ELAVL4: variants seen among roughly 807,000 people sequenced by gnomAD.
The protein encoded by ELAVL4 is ELAV like RNA binding protein 4, also known as ELAV-like protein 4.
Under a neutral mutation model 35.6 loss-of-function variants are expected in ELAVL4, and 1 was observed. That is an observed-to-expected ratio of 0.03 (90% CI 0.01 to 0.13). The LOEUF is 0.13. ELAVL4 is among the 10% of genes least tolerant of loss of function. The pLI is 1.00. For missense variants in ELAVL4, 267 were observed against 464.9 expected, an observed-to-expected ratio of 0.57 and a Z score of 3.91; for synonymous variants, 156 against 171.0, an observed-to-expected ratio of 0.91 and a Z score of 0.69.
chr1:50,173,927 G>A (rs150933997), intron 2 of ELAVL4, among the ~76,000 whole-genome samples: 1 of 152,070 alleles, frequency 6.6e-6, no homozygotes, highest in African/African-American at 2.4e-5. Flanking sequence ...GATCCCTCAG[G>A]CCCTCCCAGC....
intron 2 of ELAVL4, among the ~76,000 whole-genome samples, chr1:50,149,401 GAAAAAGA>G (rs1674336349): frequency 6.6e-6 from 1 of 151,130 alleles, no homozygotes; most frequent in Non-Finnish European, 1.5e-5. Context: ...AAAAAAAAAA[GAAAAAGA>G]AAAAAGAAAT....
At chr1:50,190,722 A>G (rs1194140960) in intron 3 of ELAVL4, among the ~76,000 whole-genome samples, 16 of 152,200 alleles carry the variant, frequency 1.1e-4, no homozygotes, top group Admixed American at 1.0e-3. Context: ...CCAACTTTCA[A>G]GTGCCAGCTC....
At chr1:50,121,198 A>G (rs935363536) in intron 1 of ELAVL4, among the ~76,000 whole-genome samples, 5 of 152,052 alleles carry the variant, frequency 3.3e-5, no homozygotes, top group Admixed American at 6.6e-5. Context: ...AACTTCTAGG[A>G]GCCTATTTAG....
intron 1 of ELAVL4, among the ~76,000 whole-genome samples, chr1:50,127,571 A>G (rs1670156702): frequency 2.0e-5 from 3 of 152,170 alleles, no homozygotes; most frequent in Admixed American, 2.0e-4. Flanking sequence ...TCAAATGTCT[A>G]CTAACCTTCC....
chr1:50,192,239 G>A (rs991849908), intron 3 of ELAVL4, among the ~76,000 whole-genome samples: 1 of 152,172 alleles, frequency 6.6e-6, no homozygotes, highest in Non-Finnish European at 1.5e-5. Flanking sequence ...GCAGGAGGAG[G>A]CCAGGGAGGC....
At chr1:50,123,581 T>A (rs975780220) in intron 1 of ELAVL4, among the ~76,000 whole-genome samples, 5 of 152,070 alleles carry the variant, frequency 3.3e-5, no homozygotes, top group Non-Finnish European at 7.4e-5. Flanking sequence ...AAGATGAGAT[T>A]TCAGAGATGG....
At chr1:50,125,248 A>T (rs749653468) in intron 1 of ELAVL4, among the ~76,000 whole-genome samples, 14 of 152,202 alleles carry the variant, frequency 9.2e-5, no homozygotes, top group African/African-American at 2.4e-4. Context: ...ATTTAAAAAA[A>T]AAAAATAAAA....
Position 50,153,854 on chromosome 1 carries a change from A to G in ELAVL4, c.250+8657A>G, listed in dbSNP as rs141793631. Among the ~76,000 whole-genome samples the G allele has an allele frequency of 1.8e-4, 27 of 152,360 alleles. No individual in the cohort carries two copies. In the East Asian group the frequency reaches 4.8e-3, roughly 27 times the overall value. ...GATTAGTGATCTTATAAGAAGAGGA[A>G]GAGAGACTGGAATTTTCTCCATACA... On this transcript the variant is annotated intron_variant, in intron 2 of 6. Coordinates refer to ENST00000371824, the MANE Select transcript of ELAVL4 (RefSeq NM_001144774.3).
chr1:50,148,494 T>C (rs962117265), intron 2 of ELAVL4, among the ~76,000 whole-genome samples: 5 of 152,254 alleles, frequency 3.3e-5, no homozygotes, highest in Admixed American at 6.5e-5. Flanking sequence ...AGTTTTAAGA[T>C]ACCTTGCTTT....
intron 2 of ELAVL4, among the ~76,000 whole-genome samples, chr1:50,154,059 C>T (rs1017350113): frequency 4.6e-5 from 7 of 152,196 alleles, no homozygotes; most frequent in Non-Finnish European, 1.0e-4. Flanking sequence ...CTGCCTAATA[C>T]AGACATCTTC....
chr1:50,061,174 A>G (rs1281048738), intron 1 of ELAVL4, among the ~76,000 whole-genome samples: 2 of 152,210 alleles, frequency 1.3e-5, no homozygotes, highest in Non-Finnish European at 2.9e-5. Flanking sequence ...TGGAGAAGAT[A>G]TTTACATAAT....
At chr1:50,150,756 C>T (rs925730935) in intron 2 of ELAVL4, among the ~76,000 whole-genome samples, 3 of 152,128 alleles carry the variant, frequency 2.0e-5, no homozygotes, top group Non-Finnish European at 4.4e-5. Flanking sequence ...TCTGAAAAAT[C>T]CTAAGATATA....
intron 1 of ELAVL4, among the ~76,000 whole-genome samples, chr1:50,078,279 T>A (rs1373826673): frequency 6.6e-6 from 1 of 152,054 alleles, no homozygotes; most frequent in Non-Finnish European, 1.5e-5. Context: ...TGTGAAGCGA[T>A]AAATAATAGG....
At position 50,201,320 on chromosome 1, in the gene ELAVL4, G is replaced by T. The variant is rs1572649291; in HGVS notation, c.*142G>T. 3.9e-6 allele frequency: 4 copies of T among 1,015,004 alleles called. No individual in the cohort carries two copies. The East Asian group carries it at 1.1e-4, about 29-fold the overall frequency. The allele number at this position is 1,015,004 out of a possible 1,614,324, so 62.9% of individuals were successfully genotyped here. ...ACCATGGACTTTATAAGCCAGTGTT[G>T]CCTAAGTATTAAAACATTGGATTAT... On this transcript the variant is annotated 3_prime_UTR_variant, in exon 7 of 7. Transcript: ENST00000371824. The surrounding 1 kb of genome is among the most constrained non-coding windows in gnomAD (Gnocchi z 4.3).
intron 1 of ELAVL4, among the ~76,000 whole-genome samples, chr1:50,095,342 A>G (rs1360264562): frequency 1.3e-5 from 2 of 152,146 alleles, no homozygotes; most frequent in East Asian, 1.9e-4. Context: ...CCTTCCCCCA[A>G]CTAGGAGAAC....
chr1:50,109,015 T>TCGGGGGGC lies in ELAVL4; in HGVS notation c.-174_-173insGGGGGGCC. On this transcript the variant is annotated 5_prime_UTR_variant, in exon 1 of 7. Coordinates refer to ENST00000371824, the MANE Select transcript of ELAVL4 (RefSeq NM_001144774.3). ...GCTCCTTTTCTTTTTTTTCTTTCTC[T>TCGGGGGGC]CCCCCGCCCACCCCCCCAAAAATAA... is the stretch of plus-strand genomic sequence containing the variant. 7.3e-6 allele frequency: 7 copies of TCGGGGGGC among 960,928 alleles called. No individual in the cohort carries two copies. Among genetic ancestry groups the TCGGGGGGC allele is most frequent in the South Asian group, 4.7e-5 (1 of 21,226 alleles). 59.5% of individuals were successfully genotyped at this position (960,928 alleles called of 1,614,324 possible). A position where few individuals can be genotyped will look rare whatever the true frequency, so the allele number is the denominator to read the frequency against.
intron 1 of ELAVL4, among the ~76,000 whole-genome samples, chr1:50,087,046 T>A (rs1258631768): frequency 1.3e-5 from 2 of 152,098 alleles, no homozygotes; most frequent in African/African-American, 4.8e-5. Context: ...AGAGAGTCAA[T>A]CAATTATCTT....
chr1:50,171,127 C>A (rs1402678712), intron 2 of ELAVL4, among the ~76,000 whole-genome samples: 3 of 152,170 alleles, frequency 2.0e-5, no homozygotes, highest in Non-Finnish European at 2.9e-5. Flanking sequence ...TGTAGTAACA[C>A]TGGGCTTGCA....
chr1:50,070,709 C>T (rs999332020), intron 1 of ELAVL4, among the ~76,000 whole-genome samples: 1 of 144,756 alleles, frequency 6.9e-6, no homozygotes, highest in African/African-American at 2.6e-5. Context: ...CCACTGCACT[C>T]CAGCCTGGGT....
Sources: allele counts gnomAD v4.1 joint callset (sites outside exome capture counted in the v4.1 genomes callset), GRCh38; gene constraint gnomAD v4.1.1; non-coding constraint Gnocchi (gnomAD v3.1); transcripts MANE v1.5; gene names NCBI Gene and HGNC (gene_info 2026-07-23, HGNC 2026-07-21).